Variants in MTMR8 observed in about 807,000 individuals in gnomAD.
The protein encoded by MTMR8 is phosphatidylinositol-3,5-bisphosphate 3-phosphatase MTMR8.
MTMR8 carries 65 observed loss-of-function variants against 39.3 expected under a neutral mutation model. That is an observed-to-expected ratio of 1.65 (90% CI 1.35 to 2.03). The LOEUF (loss-of-function observed/expected upper bound fraction) is 2.03. Among genes scored for constraint, MTMR8 ranks in the 30% most tolerant of loss-of-function variants. MTMR8 has a pLI of 0.00. For missense variants in MTMR8, 777 were observed against 538.9 expected (o/e 1.44, Z -4.37); for synonymous variants, 245 against 185.2 (o/e 1.32, Z -2.62).
intron 1 of MTMR8, among the ~76,000 whole-genome samples, chrX:64,361,384 T>A (rs1160075831): frequency 1.8e-5 from 2 of 111,597 alleles, no homozygotes; most frequent in Non-Finnish European, 3.8e-5. Flanking sequence ...ATAAAGACAA[T>A]TATAAAGTAA....
chrX:64,391,382 A>G (rs1924686403), intron 1 of MTMR8, among the ~76,000 whole-genome samples: 1 of 112,695 alleles, frequency 8.9e-6, no homozygotes, highest in African/African-American at 3.2e-5. Flanking sequence ...AATTAAACAC[A>G]TAACACTATT....
chrX:64,302,044 G>T (rs1921901314), intron 12 of MTMR8, among the ~76,000 whole-genome samples: 1 of 112,784 alleles, frequency 8.9e-6, no homozygotes, highest in African/African-American at 3.2e-5. Flanking sequence ...GCCCCCAGAG[G>T]TGGAGCCTAC....
chrX:64,336,067 G>A lies in MTMR8; in HGVS notation c.1151+12C>T. ...TCCTCAGCCCCTTCCTTCAAAATGA[G>A]TATATTTTTACCTTTGGGAAAACTT... is the stretch of plus-strand genomic sequence containing the variant. On this transcript the variant is annotated intron_variant, in intron 10 of 13. Coordinates refer to ENST00000374852, the MANE Select transcript of MTMR8 (RefSeq NM_017677.4). 8.5e-7 allele frequency: 1 copy of A among 1,175,502 alleles called. No individual in the cohort carries two copies. Among genetic ancestry groups the A allele is most frequent in the Non-Finnish European group, 1.1e-6 (1 of 869,735 alleles).
chrX:64,300,361 G>T (rs1020360148), intron 12 of MTMR8, among the ~76,000 whole-genome samples: 2 of 111,228 alleles, frequency 1.8e-5, no homozygotes, highest in Non-Finnish European at 3.8e-5. Flanking sequence ...GATCTTTGTT[G>T]GTTTAAAGTC....
At chrX:64,320,307 T>C (rs749891507) in intron 12 of MTMR8, among the ~76,000 whole-genome samples, 4 of 111,182 alleles carry the variant, frequency 3.6e-5, no homozygotes, top group African/African-American at 6.5e-5. Context: ...TGATACAACA[T>C]GCTGACTTCC....
At chrX:64,285,208 G>T (rs1921115503) in intron 12 of MTMR8, among the ~76,000 whole-genome samples, 3 of 111,371 alleles carry the variant, frequency 2.7e-5, no homozygotes, top group African/African-American at 9.8e-5. Context: ...AATCAACAAA[G>T]ATCAAAAGAG....
At chrX:64,334,601 C>A (rs980324103) in intron 10 of MTMR8, among the ~76,000 whole-genome samples, 3 of 103,041 alleles carry the variant, frequency 2.9e-5, no homozygotes, top group African/African-American at 1.1e-4. Context: ...AAAAACAGGG[C>A]TCTGAATGAT....
chrX:64,383,482 T>C (rs1220054020), intron 1 of MTMR8, among the ~76,000 whole-genome samples: 2 of 109,154 alleles, frequency 1.8e-5, no homozygotes, highest in African/African-American at 6.7e-5. Context: ...TTATATATTA[T>C]ATAATTTGGT....
intron 6 of MTMR8, among the ~76,000 whole-genome samples, chrX:64,348,094 A>G (rs1339393059): frequency 9.0e-6 from 1 of 111,619 alleles, no homozygotes; most frequent in Non-Finnish European, 1.9e-5. Flanking sequence ...GCACTGTACT[A>G]AACCGGCAAA....
chrX:64,313,310 T>C (rs971089321), intron 12 of MTMR8, among the ~76,000 whole-genome samples: 21 of 112,725 alleles, frequency 1.9e-4, no homozygotes, highest in Non-Finnish European at 3.7e-4. Flanking sequence ...CCTTGCACTT[T>C]TGTGTTATGG....
intron 4 of MTMR8, among the ~76,000 whole-genome samples, chrX:64,351,152 A>G (rs1923477707): frequency 9.0e-6 from 1 of 111,034 alleles, no homozygotes; most frequent in Non-Finnish European, 1.9e-5. Context: ...CACATCAAAA[A>G]GACCAACAAG....
chrX:64,314,524 C>A (rs1407188869), intron 12 of MTMR8, among the ~76,000 whole-genome samples: 1 of 113,017 alleles, frequency 8.8e-6, no homozygotes, highest in Non-Finnish European at 1.9e-5. Flanking sequence ...CTGCTAGTCT[C>A]TGTGCCTAGT....
At chrX:64,289,882 A>T (rs1321843281) in intron 12 of MTMR8, among the ~76,000 whole-genome samples, 1 of 110,805 alleles carries the variant, frequency 9.0e-6, no homozygotes, top group South Asian at 3.8e-4. Context: ...CGCTAAGTAA[A>T]ATAAGCCAGA....
intron 12 of MTMR8, chrX:64,306,304 G>T (rs780477129): frequency 3.3e-6 from 1 of 303,228 alleles, no homozygotes; most frequent in South Asian, 4.0e-5. Context: ...GTTTGAGCTT[G>T]TTCAGAGGTT....
chrX:64,312,754 G>A (rs919467454), intron 12 of MTMR8, among the ~76,000 whole-genome samples: 1 of 112,250 alleles, frequency 8.9e-6, no homozygotes, highest in Non-Finnish European at 1.9e-5. Context: ...GTTACTACTT[G>A]ATCCATGGGC....
intron 12 of MTMR8, among the ~76,000 whole-genome samples, chrX:64,319,676 CT>C: frequency 1.8e-5 from 2 of 111,076 alleles, no homozygotes; most frequent in East Asian, 2.8e-4. Context: ...TTCCCCATTG[CT>C]TTTTTTTGTC....
At chrX:64,389,092 G>C (rs1230683686) in intron 1 of MTMR8, among the ~76,000 whole-genome samples, 1 of 111,859 alleles carries the variant, frequency 8.9e-6, no homozygotes, top group Admixed American at 9.5e-5. Context: ...TATTTAAAAT[G>C]AAGATAATAG....
At position 64,343,702 on chromosome X, in the gene MTMR8, G is replaced by A; in HGVS notation, c.884C>T (p.Pro295Leu). 9 of 1,200,216 alleles carry A rather than the reference G, an allele frequency of 7.5e-6. No homozygotes were observed. Among genetic ancestry groups the A allele is most frequent in the Non-Finnish European group, 9.0e-6 (8 of 886,712 alleles). Residue 295 changes from proline to leucine, a missense_variant, in exon 8 of 14, where the codon CCA becomes CTA. Transcript: ENST00000374852. Reference sequence around the variant, plus strand: ...GCCGCTAAGAAATTCACTCATTGTTGGAGTTTTCAATTCACAAACTAAGGT... The same window carrying A: ...GCCGCTAAGAAATTCACTCATTGTTAGAGTTTTCAATTCACAAACTAAGGT... ...KLLEVCELKTPTMSEFLSGLE... is the reference protein window; with the variant it reads ...KLLEVCELKTLTMSEFLSGLE...
At chrX:64,286,172 C>T (rs1372183689) in intron 12 of MTMR8, among the ~76,000 whole-genome samples, 1 of 112,006 alleles carries the variant, frequency 8.9e-6, no homozygotes, top group Non-Finnish European at 1.9e-5. Flanking sequence ...GAAATATAAA[C>T]TACCATCAGA....
Sources: allele counts gnomAD v4.1 joint callset (sites outside exome capture counted in the v4.1 genomes callset), GRCh38; gene constraint gnomAD v4.1.1; transcripts MANE v1.5; gene names NCBI Gene and HGNC (gene_info 2026-07-23, HGNC 2026-07-21).